The following TRPC7 variants were observed in gnomAD, a reference collection of about 807,000 sequenced individuals.
TRPC7 encodes the protein transient receptor potential cation channel subfamily C member 7.
Under a neutral mutation model 90.1 loss-of-function variants are expected in TRPC7, and 42 were observed. The ratio of observed to expected loss-of-function variants is 0.47; its 90% CI spans 0.36 to 0.60. The LOEUF (loss-of-function observed/expected upper bound fraction) is 0.60. Among genes scored for constraint, TRPC7 ranks in the 20% least tolerant of loss-of-function variants. The pLI is 0.00. For missense variants in TRPC7, 955 were observed against 1,112.3 expected, an observed-to-expected ratio of 0.86 and a Z score of 2.01; for synonymous variants, 451 against 436.3, an observed-to-expected ratio of 1.03 and a Z score of -0.42.
At chr5:136,213,665 T>A (rs1399952931) in intron 11 of TRPC7, 61 bp from the exon 12 acceptor site, 2 of 1,572,086 alleles carry the variant, frequency 1.3e-6, no homozygotes, top group Non-Finnish European at 1.7e-6. Flanking sequence ...GCTTGTCCCA[T>A]GCACATGTGG....
chr5:136,221,691 A>C (rs1755465316), intron 10 of TRPC7, among the ~76,000 whole-genome samples: 1 of 152,222 alleles, frequency 6.6e-6, no homozygotes, highest in Non-Finnish European at 1.5e-5. Flanking sequence ...GTCATTTGTT[A>C]AACTGAGGTT....
At chr5:136,261,237 A>C (rs1756849199) in intron 5 of TRPC7, among the ~76,000 whole-genome samples, 1 of 152,250 alleles carries the variant, frequency 6.6e-6, no homozygotes, top group Non-Finnish European at 1.5e-5. Flanking sequence ...ATTTAGAACA[A>C]GATAATGTTA....
intron 3 of TRPC7, among the ~76,000 whole-genome samples, chr5:136,290,743 C>T (rs1037254167): frequency 6.6e-6 from 1 of 152,070 alleles, no homozygotes; most frequent in Non-Finnish European, 1.5e-5. Flanking sequence ...GAGAACTTCC[C>T]CCATCTAGCA....
Position 136,247,817 on chromosome 5 carries a change from T to C in TRPC7, c.1580-82A>G. On this transcript the variant is annotated intron_variant, in intron 6 of 11. Coordinates refer to ENST00000513104, the MANE Select transcript of TRPC7 (RefSeq NM_020389.3). This position sits in a 1 kb window ranked among gnomAD's most constrained non-coding sequence, Gnocchi z 4.2. Reference sequence around the variant, plus strand: ...AACCAGTTAGGCATCTTTAGAGGTCTCCAACTGCATCATTTGCCATTCTTG... The same window carrying C: ...AACCAGTTAGGCATCTTTAGAGGTCCCCAACTGCATCATTTGCCATTCTTG... 1 of 1,477,176 alleles carries C rather than the reference T, an allele frequency of 6.8e-7. No homozygotes were observed. The highest frequency in any genetic ancestry group is 9.1e-7 in the Non-Finnish European group (1 of 1,097,914). The allele number at this position is 1,477,176 out of a possible 1,614,324, so 91.5% of individuals were successfully genotyped here. A position where few individuals can be genotyped will look rare whatever the true frequency, so the allele number is the denominator to read the frequency against.
chr5:136,345,770 T>C (rs949979269), intron 2 of TRPC7, among the ~76,000 whole-genome samples: 7 of 152,208 alleles, frequency 4.6e-5, no homozygotes, highest in Non-Finnish European at 1.0e-4. Context: ...ATGAAGTCCT[T>C]GCCCATGCCT....
chr5:136,315,584 T>C lies in TRPC7; in HGVS notation c.963+13A>G. The C allele has an allele frequency of 1.9e-6, 3 of 1,611,590 alleles. No homozygotes were observed. The highest frequency in any genetic ancestry group is 2.5e-6 in the Non-Finnish European group (3 of 1,178,518). On this transcript the variant is annotated intron_variant, in intron 3 of 11. Transcript: ENST00000513104. ...GGTGAGATGGGAAGACCAGGAGAGA[T>C]GGGGGAGCTTACCTTCTTGACTTCA...
Position 136,286,646 on chromosome 5 carries a change from TCCTGA to T in TRPC7, c.964-11814_964-11810del, listed in dbSNP as rs144679836. Among the ~76,000 whole-genome samples, 182 of 152,318 alleles carry T rather than the reference TCCTGA, an allele frequency of 1.2e-3. 1 individual carries two copies. In the East Asian group the frequency reaches 0.03, roughly 25 times the overall value. Reference sequence around the variant, plus strand: ...CATCCCAGCTGAATCCTGCCTGATTTCCTGACCTACAGAATTGTGAGTAATTAAAA... The same window carrying T: ...CATCCCAGCTGAATCCTGCCTGATTTCCTACAGAATTGTGAGTAATTAAAA... On this transcript the variant is annotated intron_variant, in intron 3 of 11. Transcript: ENST00000513104.
intron 4 of TRPC7, among the ~76,000 whole-genome samples, chr5:136,271,902 A>C (rs1340595137): frequency 1.3e-5 from 2 of 152,230 alleles, no homozygotes; most frequent in Non-Finnish European, 2.9e-5. Flanking sequence ...AATAGAATTG[A>C]CAGCCTTGAT....
intron 3 of TRPC7, among the ~76,000 whole-genome samples, chr5:136,303,606 C>T (rs998603102): frequency 6.6e-6 from 1 of 152,110 alleles, no homozygotes; most frequent in Non-Finnish European, 1.5e-5. Context: ...AATCTGGCCA[C>T]CGAGCCAAGG....
intron 7 of TRPC7, among the ~76,000 whole-genome samples, chr5:136,244,114 ATCTC>A (rs923323445): frequency 5.4e-5 from 8 of 147,588 alleles, no homozygotes; most frequent in Non-Finnish European, 1.1e-4. Context: ...TAAAGTCATA[ATCTC>A]TCTCTCTCTC....
chr5:136,264,441 C>T (rs1352034310), intron 5 of TRPC7, among the ~76,000 whole-genome samples: 1 of 152,106 alleles, frequency 6.6e-6, no homozygotes, highest in Non-Finnish European at 1.5e-5. Context: ...TTTAGTTAAA[C>T]AATGGCGTAT....
chr5:136,264,185 G>A (rs1236018560), intron 5 of TRPC7, among the ~76,000 whole-genome samples: 1 of 152,066 alleles, frequency 6.6e-6, no homozygotes, highest in Non-Finnish European at 1.5e-5. Context: ...CCTTATATTG[G>A]AATAATGCTC....
chr5:136,315,944 G>T (rs1368616553), intron 2 of TRPC7, 165 bp from the exon 3 acceptor site: 2 of 669,410 alleles, frequency 3.0e-6, no homozygotes, highest in African/African-American at 1.8e-5. Context: ...AGAAGGCGGG[G>T]CAATTTCTCT....
intron 2 of TRPC7, among the ~76,000 whole-genome samples, chr5:136,352,139 AT>A (rs1275489333): frequency 6.6e-6 from 1 of 152,110 alleles, no homozygotes; most frequent in Admixed American, 6.5e-5. Context: ...ACAGTCTCTG[AT>A]TTGGGCACAC....
At chr5:136,316,462 G>T (rs1759030941) in intron 2 of TRPC7, among the ~76,000 whole-genome samples, 1 of 152,166 alleles carries the variant, frequency 6.6e-6, no homozygotes, top group Admixed American at 6.5e-5. Context: ...TTTCTTCCTA[G>T]AAATCCTTTT....
chr5:136,218,356 A>G (rs1399437064), intron 10 of TRPC7, among the ~76,000 whole-genome samples: 2 of 151,962 alleles, frequency 1.3e-5, no homozygotes, highest in African/African-American at 4.8e-5. Flanking sequence ...GTTATCTGTC[A>G]TTCTTGCTGA....
intron 6 of TRPC7, among the ~76,000 whole-genome samples, chr5:136,249,609 T>G (rs1756456048): frequency 6.6e-6 from 1 of 152,186 alleles, no homozygotes; most frequent in African/African-American, 2.4e-5. Context: ...TATAATCTAC[T>G]CAGATAGATT....
chr5:136,215,360 T>G (rs1019315771), intron 11 of TRPC7, among the ~76,000 whole-genome samples: 1 of 152,196 alleles, frequency 6.6e-6, no homozygotes, highest in African/African-American at 2.4e-5. Flanking sequence ...ACTCCCAAGA[T>G]GTCCCCGTCC....
chr5:136,292,000 G>A lies in TRPC7; in HGVS notation c.964-17163C>T, dbSNP rs1446290515. Among the ~76,000 whole-genome samples, 473 of 151,866 alleles carry A rather than the reference G, an allele frequency of 3.1e-3. 1 individual carries two copies. The highest frequency in any genetic ancestry group is 0.011 in the African/African-American group (452 of 41,456). ...AGGATTAAGAAACTCACTCAAAACC[G>A]CTCAACTACATGGAAACTGAACAAC... is the stretch of plus-strand genomic sequence containing the variant. On this transcript the variant is annotated intron_variant, in intron 3 of 11. Transcript: ENST00000513104.
Sources: allele counts gnomAD v4.1 joint callset (sites outside exome capture counted in the v4.1 genomes callset), GRCh38; gene constraint gnomAD v4.1.1; non-coding constraint Gnocchi (gnomAD v3.1); transcripts MANE v1.5; gene names NCBI Gene and HGNC (gene_info 2026-07-23, HGNC 2026-07-21).